The following PHC3 variants were observed in gnomAD, a reference collection of about 807,000 sequenced individuals.
The protein encoded by PHC3 is polyhomeotic-like protein 3.
Under a neutral mutation model 107.4 loss-of-function variants are expected in PHC3, and 13 were observed. The ratio of observed to expected loss-of-function variants is 0.12; its 90% CI spans 0.08 to 0.19. The LOEUF (loss-of-function observed/expected upper bound fraction) is 0.19. PHC3 is among the 10% of genes least tolerant of loss of function. PHC3 has a pLI of 1.00. For missense variants in PHC3, 992 were observed against 1,210.9 expected (o/e 0.82, Z 2.68); for synonymous variants, 456 against 427.4 (o/e 1.07, Z -0.83).
intron 5 of PHC3, among the ~76,000 whole-genome samples, chr3:170,146,236 G>A (rs1256498756): frequency 6.6e-6 from 1 of 151,862 alleles, no homozygotes; most frequent in Non-Finnish European, 1.5e-5. Flanking sequence ...TTAGCCGGGT[G>A]TGGTGGCTCA....
intron 6 of PHC3, among the ~76,000 whole-genome samples, chr3:170,144,289 G>A (rs940001417): frequency 1.3e-5 from 2 of 151,414 alleles, no homozygotes; most frequent in African/African-American, 2.4e-5. Context: ...TGCAGTGAGC[G>A]GAGACGGTGC....
At chr3:170,098,157 G>T (rs1189371267) in intron 14 of PHC3, among the ~76,000 whole-genome samples, 1 of 152,068 alleles carries the variant, frequency 6.6e-6, no homozygotes, top group African/African-American at 2.4e-5. Flanking sequence ...GTATCTACCT[G>T]AAACTCAAAT....
chr3:170,116,183 G>A (rs1360414704), intron 10 of PHC3, among the ~76,000 whole-genome samples: 1 of 152,124 alleles, frequency 6.6e-6, no homozygotes, highest in African/African-American at 2.4e-5. Flanking sequence ...TATGATTGAA[G>A]GCTGAAATTT....
chr3:170,169,672 G>A (rs1729282338), intron 4 of PHC3: 1 of 152,108 alleles, frequency 6.6e-6, no homozygotes, highest in Non-Finnish European at 1.5e-5. Context: ...ACAATCACTA[G>A]AATTCTAACT....
In PHC3 at chr3:170,131,618, G is replaced by A. The variant is rs375735458; in HGVS notation, c.920-2066C>T. 3.0e-4 allele frequency among the ~76,000 whole-genome samples: 46 copies of A among 152,314 alleles called. 1 individual carries two copies. Among genetic ancestry groups the A allele is most frequent in the East Asian group, 2.3e-3 (12 of 5,184 alleles). On this transcript the variant is annotated intron_variant, in intron 7 of 14. Coordinates refer to ENST00000495893, the MANE Select transcript of PHC3 (RefSeq NM_024947.4). ...TGAGGCTGAGGTGGGAGGATCACCT[G>A]AGGTAAGGAGTTCAAGACCAGCCTG...
At chr3:170,176,116 T>C (rs1476410431) in intron 2 of PHC3, among the ~76,000 whole-genome samples, 1 of 143,424 alleles carries the variant, frequency 7.0e-6, no homozygotes, top group African/African-American at 2.6e-5. Context: ...GTCCCAGCTG[T>C]TCTGGAGGCT....
chr3:170,135,664 G>A (rs1019062542), intron 7 of PHC3, among the ~76,000 whole-genome samples: 4 of 150,944 alleles, frequency 2.6e-5, no homozygotes, highest in African/African-American at 9.8e-5. Flanking sequence ...TACTAAAGAA[G>A]GTCAGGAAAT....
chr3:170,172,907 G>A (rs1360079288), intron 2 of PHC3, among the ~76,000 whole-genome samples, 195 bp from the exon 3 acceptor site: 3 of 152,134 alleles, frequency 2.0e-5, no homozygotes, highest in Non-Finnish European at 4.4e-5. Flanking sequence ...AAACTACCCA[G>A]TGGGCCGGGC....
At position 170,129,385 on chromosome 3, in the gene PHC3, G is replaced by A; in HGVS notation, c.1087C>T (p.His363Tyr). ...CCATGGTTCTGGAGTGGTATACAGTGCTGGGATGGGGGTGGGTCTTGAGTT... is the reference window on the plus strand; with the variant it reads ...CCATGGTTCTGGAGTGGTATACAGTACTGGGATGGGGGTGGGTCTTGAGTT... The part of the protein sequence containing the change: ...NSTQDPPPSQ[H>Y]CIPLQNHGLP... The change falls in exon 8 of 15, where the codon CAC becomes TAC. Residue 363 changes from histidine to tyrosine, a missense_variant. By Grantham distance (83) the His-to-Tyr change is moderately conservative. Coordinates refer to ENST00000495893, the MANE Select transcript of PHC3 (RefSeq NM_024947.4). 6.2e-7 allele frequency: 1 copy of A among 1,613,926 alleles called. No homozygotes were observed. The highest frequency in any genetic ancestry group is 8.5e-7 in the Non-Finnish European group (1 of 1,179,886).
chr3:170,120,473 T>C (rs1427928747), intron 9 of PHC3, among the ~76,000 whole-genome samples: 2 of 151,838 alleles, frequency 1.3e-5, no homozygotes, highest in Admixed American at 6.6e-5. Context: ...CTCAGGATAC[T>C]GAAGCAGGAG....
rs1731478300 is a variant in PHC3, at chr3:170,181,709, C to T, written c.7G>A (p.Glu3Lys). 1 of 1,613,224 alleles carries T rather than the reference C, an allele frequency of 6.2e-7. No individual in the cohort carries two copies. The stretch of plus-strand genomic sequence containing the variant: ...CACCATCTAGTCACTCACTCCGCTT[C>T]CGCCATCTTCTCTCCTCCATCACTA... The part of the protein sequence containing the change: MA[E>K]AEFKDHSTAM... Residue 3 changes from glutamate to lysine, a missense_variant, in exon 1 of 15, where the codon GAA (glutamate) becomes AAA (lysine). Glu to Lys is a moderately conservative substitution (Grantham distance 56). This residue lies in a region of PHC3 where 161 missense variants were observed against 183.7 expected (regional missense o/e 0.88). Transcript: ENST00000495893.
At chr3:170,124,792 T>C (rs892588971) in intron 8 of PHC3, among the ~76,000 whole-genome samples, 2 of 152,176 alleles carry the variant, frequency 1.3e-5, no homozygotes, top group African/African-American at 4.8e-5. Flanking sequence ...AAATTATACA[T>C]AAAAGTGATC....
intron 8 of PHC3, among the ~76,000 whole-genome samples, chr3:170,126,530 T>TATATATATATATATA (rs1560059403): frequency 1.4e-5 from 1 of 72,890 alleles, no homozygotes; most frequent in African/African-American, 5.8e-5. Flanking sequence ...ATATATATAT[T>TATATATATATATATA]TTTTTTTTTT....
At chr3:170,117,592 T>A in intron 9 of PHC3, 116 bp from the exon 10 acceptor site, 1 of 1,067,072 alleles carries the variant, frequency 9.4e-7, no homozygotes, top group South Asian at 1.7e-5. Flanking sequence ...TTTCAAAAAC[T>A]GTTCTAAGAA....
intron 1 of PHC3, among the ~76,000 whole-genome samples, chr3:170,179,563 G>A (rs1488578295): frequency 6.6e-6 from 1 of 152,152 alleles, no homozygotes; most frequent in Admixed American, 6.5e-5. Context: ...AGATTGCTGT[G>A]AGAACACAGA....
chr3:170,122,478 C>G, intron 9 of PHC3, 113 bp downstream of exon 9: 1 of 1,067,354 alleles, frequency 9.4e-7, no homozygotes, highest in East Asian at 2.5e-5. Context: ...TGGTGTGCAC[C>G]TGTAGTTCCA....
In PHC3 at chr3:170,149,249, G is replaced by A. The variant is rs555385376; in HGVS notation, c.415-5C>T. The A allele has an allele frequency of 1.2e-6, 2 of 1,605,982 alleles. No individual in the cohort carries two copies. The highest frequency in any genetic ancestry group is 1.7e-6 in the Non-Finnish European group (2 of 1,176,516). On this transcript the variant is annotated splice_polypyrimidine_tract_variant and splice_region_variant and intron_variant, in intron 4 of 14. Coordinates refer to ENST00000495893, the MANE Select transcript of PHC3 (RefSeq NM_024947.4). ...AGGAGAAGTGGAGAGGTTGATCTAA[G>A]GAAGAAAACATATTAGGTCATAGGC...
chr3:170,105,712 T>G (rs938056169), intron 12 of PHC3, among the ~76,000 whole-genome samples: 4 of 152,194 alleles, frequency 2.6e-5, no homozygotes, highest in Non-Finnish European at 5.9e-5. Flanking sequence ...ATAGTCATCC[T>G]ACTGAAGATC....
chr3:170,132,739 T>C (rs1342924815), intron 7 of PHC3, among the ~76,000 whole-genome samples: 3 of 152,260 alleles, frequency 2.0e-5, no homozygotes, highest in Non-Finnish European at 4.4e-5. Context: ...TATTTTGTTA[T>C]GGCAGCTGGA....
Sources: allele counts gnomAD v4.1 joint callset (sites outside exome capture counted in the v4.1 genomes callset), GRCh38; gene constraint gnomAD v4.1.1; regional missense constraint gnomAD v4.1.1; transcripts MANE v1.5; gene names NCBI Gene and HGNC (gene_info 2026-07-23, HGNC 2026-07-21).